Variants in CFAP410 observed in about 807,000 individuals in gnomAD.
The protein encoded by CFAP410 is cilia and flagella associated protein 410, also known as cilia- and flagella-associated protein 410.
In CFAP410, 27 loss-of-function variants were observed where a neutral mutation model predicts 25.7. That is an observed-to-expected ratio of 1.05 (90% CI 0.77 to 1.45). CFAP410 has a LOEUF of 1.45. Among genes scored for constraint, CFAP410 ranks in the 40% most tolerant of loss-of-function variants. The probability of loss-of-function intolerance (pLI) is 0.00; values close to 1 mark genes in which losing one functional copy is unlikely to be tolerated. For missense variants in CFAP410, 428 were observed against 354.1 expected (o/e 1.21, Z -1.67); for synonymous variants, 178 against 158.4 (o/e 1.12, Z -0.93).
intron 6 of CFAP410, 197 bp downstream of exon 6, chr21:44,330,626 G>A: frequency 1.3e-6 from 2 of 1,549,042 alleles, no homozygotes; most frequent in South Asian, 1.2e-5. Flanking sequence ...TCCGTGCGGG[G>A]CACGTGTTAC....
Position 44,339,294 on chromosome 21 carries a change from T to A in CFAP410, c.-100A>T. On this transcript the variant is annotated 5_prime_UTR_variant, in exon 1 of 7. Transcript: ENST00000339818. Reference sequence around the variant, plus strand: ...GTCTCCAGGGGCGGGGCCCGCGTCGTCAGGGGCGGATCCTGAGCCGATTGG... The same window carrying A: ...GTCTCCAGGGGCGGGGCCCGCGTCGACAGGGGCGGATCCTGAGCCGATTGG... The A allele has an allele frequency of 1.4e-6, 1 of 712,072 alleles. No individual in the cohort carries two copies. Among genetic ancestry groups the A allele is most frequent in the Non-Finnish European group, 2.1e-6 (1 of 482,074 alleles). The allele number at this position is 712,072 out of a possible 1,614,324, so 44.1% of individuals were successfully genotyped here.
Position 44,339,164 on chromosome 21 carries a change from G to A in CFAP410, c.31C>T (p.Arg11Trp), listed in dbSNP as rs1332986072. The A allele has an allele frequency of 2.7e-6, 4 of 1,471,802 alleles. No individual in the cohort carries two copies. The highest frequency in any genetic ancestry group is 3.6e-6 in the Non-Finnish European group (4 of 1,107,794). The allele number at this position is 1,471,802 out of a possible 1,614,324, so 91.2% of individuals were successfully genotyped here. The stretch of plus-strand genomic sequence containing the variant: ...CTGTGCAGCTCCGAGGCCTTGGCCC[G>A]GGTCAGAACCATCTTCCGCGTCAGC... Reference protein sequence around the residue: MKLTRKMVLTRAKASELHSVR... With the variant: MKLTRKMVLTWAKASELHSVR... Residue 11 changes from arginine (R) to tryptophan (W), a missense_variant, in exon 1 of 7, where the codon CGG becomes TGG. Physicochemically the swap from Arg to Trp is moderately radical, Grantham distance 101. Coordinates refer to ENST00000339818, the MANE Select transcript of CFAP410 (RefSeq NM_004928.3).
At position 44,339,208 on chromosome 21, in the gene CFAP410, GC is replaced by G; in HGVS notation, c.-15del. 1 of 1,434,550 alleles carries G rather than the reference GC, an allele frequency of 7.0e-7. No homozygotes were observed. Among genetic ancestry groups the G allele is most frequent in the Non-Finnish European group, 9.2e-7 (1 of 1,089,798 alleles). The allele number at this position is 1,434,550 out of a possible 1,614,324, so 88.9% of individuals were successfully genotyped here. ...CGTCAGCTTCATGGCGGCCGCCCAG[GC>G]CCGACCGGCGGGCGCCCCCGGCCTC... On this transcript the variant is annotated 5_prime_UTR_variant, in exon 1 of 7. Transcript: ENST00000339818.
At chr21:44,331,148 C>T (rs1250145006) in intron 5 of CFAP410, 7 of 580,670 alleles carry the variant, frequency 1.2e-5, no homozygotes, top group Non-Finnish European at 2.1e-5. Flanking sequence ...TCCCGGCACC[C>T]TGGGGCTCCC....
chr21:44,339,270 T>C lies in CFAP410; in HGVS notation c.-76A>G, dbSNP rs1045886730. 11 of 950,540 alleles carry C rather than the reference T, an allele frequency of 1.2e-5. No individual in the cohort carries two copies. The African/African-American group carries it at 1.2e-4, about 11-fold the overall frequency. The allele number at this position is 950,540 out of a possible 1,614,324, so 58.9% of individuals were successfully genotyped here. A position where few individuals can be genotyped will look rare whatever the true frequency, so the allele number is the denominator to read the frequency against. On this transcript the variant is annotated 5_prime_UTR_variant, in exon 1 of 7. Coordinates refer to ENST00000339818, the MANE Select transcript of CFAP410 (RefSeq NM_004928.3). ...GCGGGTGACGACTGCGCGGCGCGTG[T>C]CTCCAGGGGCGGGGCCCGCGTCGTC...
At position 44,333,151 on chromosome 21, in the gene CFAP410, C is replaced by T. The variant is rs1568987990; in HGVS notation, c.255G>A (p.Gly85=). The part of the protein sequence containing the change: ...PSLAELFYLK[G]LPRLRVLWLA... ...GCCACAGCACCCGCAGACGCGGCAG[C>T]CCCTTCAGGTAGAAGAGCTCAGCCA... Residue 85 remains glycine (G), a synonymous_variant, in exon 4 of 7, where the codon GGG becomes GGA. Coordinates refer to ENST00000339818, the MANE Select transcript of CFAP410 (RefSeq NM_004928.3). 2 of 1,612,348 alleles carry T rather than the reference C, an allele frequency of 1.2e-6. No individual in the cohort carries two copies. The highest frequency in any genetic ancestry group is 2.2e-5 in the East Asian group (1 of 44,870).
intron 2 of CFAP410, 135 bp from the exon 3 acceptor site, chr21:44,335,939 A>G: frequency 1.5e-6 from 1 of 683,972 alleles, no homozygotes; most frequent in Admixed American, 2.2e-5. Context: ...TTACTCAGCC[A>G]GTGTGCCCAG....
At position 44,339,077 on chromosome 21, in the gene CFAP410, T is replaced by G. The variant is rs944150653; in HGVS notation, c.77+41A>C. On this transcript the variant is annotated intron_variant, in intron 1 of 6. Transcript: ENST00000339818. Reference sequence around the variant, plus strand: ...TCCGCCCTCGCCCCGCCCCGGCTCCTCCCCCCACCCCGGGGCGGCCGCGGC... The same window carrying G: ...TCCGCCCTCGCCCCGCCCCGGCTCCGCCCCCCACCCCGGGGCGGCCGCGGC... The G allele has an allele frequency of 5.1e-5, 60 of 1,186,534 alleles. 4 individuals are homozygous for G. Among genetic ancestry groups the G allele is most frequent in the South Asian group, 1.8e-5 (1 of 54,362 alleles). The allele number at this position is 1,186,534 out of a possible 1,614,324, so 73.5% of individuals were successfully genotyped here. A position where few individuals can be genotyped will look rare whatever the true frequency, so the allele number is the denominator to read the frequency against.
intron 1 of CFAP410, chr21:44,338,124 CA>C (rs758164541): frequency 2.9e-4 from 129 of 449,666 alleles, no homozygotes; most frequent in Non-Finnish European, 4.3e-4. Flanking sequence ...CCACCCCATG[CA>C]AAACAAAGAA....
chr21:44,339,064 C>G (rs2047816822), intron 1 of CFAP410, 54 bp downstream of exon 1: 1 of 1,174,714 alleles, frequency 8.5e-7, no homozygotes, highest in South Asian at 1.9e-5. Flanking sequence ...CGCCCTCGCC[C>G]CGCCCCGGCT....
Position 44,330,126 on chromosome 21 carries a change from C to T in CFAP410, c.*72G>A, listed in dbSNP as rs888678813. ...CCGGGGCTGCGGCCATGGCAGCCAC[C>T]CTCCAGCTCCCGGGGGCTGGGGAAG... On this transcript the variant is annotated 3_prime_UTR_variant, in exon 7 of 7. Coordinates refer to ENST00000339818, the MANE Select transcript of CFAP410 (RefSeq NM_004928.3). 1.3e-6 allele frequency: 2 copies of T among 1,486,898 alleles called. No homozygotes were observed. The highest frequency in any genetic ancestry group is 2.5e-5 in the East Asian group (1 of 40,324). 92.1% of individuals were successfully genotyped at this position (1,486,898 alleles called of 1,614,324 possible).
In CFAP410 at chr21:44,329,965, C is replaced by T. The variant is rs577858726; in HGVS notation, c.*233G>A. ...TTTAAGAGCCCAGGCCAGCCTAGAA[C>T]CTCCAGACCACAGAAGGGGAGTCCT... On this transcript the variant is annotated 3_prime_UTR_variant, in exon 7 of 7. Coordinates refer to ENST00000339818, the MANE Select transcript of CFAP410 (RefSeq NM_004928.3). The T allele has an allele frequency of 6.0e-5, 32 of 531,112 alleles. No homozygotes were observed. Among genetic ancestry groups the T allele is most frequent in the African/African-American group, 5.5e-4 (28 of 51,118 alleles). 32.9% of individuals were successfully genotyped at this position (531,112 alleles called of 1,614,324 possible).
At chr21:44,334,372 G>T in intron 3 of CFAP410, 2 of 425,820 alleles carry the variant, frequency 4.7e-6, no homozygotes, top group South Asian at 3.3e-5. Context: ...CTGCCACCGT[G>T]GGAACCACAA....
chr21:44,333,437 T>C (rs1386070764), intron 3 of CFAP410, 175 bp from the exon 4 acceptor site: 4 of 614,114 alleles, frequency 6.5e-6, no homozygotes, highest in Non-Finnish European at 1.2e-5. Flanking sequence ...AGGAGAGAGC[T>C]GTAGGAAGGC....
At chr21:44,331,462 C>A (rs2047646742) in intron 5 of CFAP410, 1 of 288,674 alleles carries the variant, frequency 3.5e-6, no homozygotes, top group Non-Finnish European at 6.6e-6. Flanking sequence ...AGGCCCAAGG[C>A]CATACGGGCA....
Position 44,339,295 on chromosome 21 carries a change from C to A in CFAP410, c.-101G>T. The A allele has an allele frequency of 1.4e-6, 1 of 711,236 alleles. No individual in the cohort carries two copies. Among genetic ancestry groups the A allele is most frequent in the South Asian group, 3.0e-5 (1 of 32,946 alleles). 44.1% of individuals were successfully genotyped at this position (711,236 alleles called of 1,614,324 possible). On this transcript the variant is annotated 5_prime_UTR_variant, in exon 1 of 7. Transcript: ENST00000339818. ...TCTCCAGGGGCGGGGCCCGCGTCGT[C>A]AGGGGCGGATCCTGAGCCGATTGGC...
At position 44,337,582 on chromosome 21, in the gene CFAP410, C is replaced by T. The variant is rs936797981; in HGVS notation, c.96+67G>A. On this transcript the variant is annotated intron_variant, in intron 2 of 6. Transcript: ENST00000339818. ...AAAAATTCTCTTGGGAAAGAAGCTA[C>T]AACATTTGGGTTGAGGCTATTTGGA... is the stretch of plus-strand genomic sequence containing the variant. 1.8e-4 allele frequency: 259 copies of T among 1,432,598 alleles called. 2 individuals are homozygous for T. The highest frequency in any genetic ancestry group is 3.3e-5 in the Non-Finnish European group (34 of 1,032,588). The allele number at this position is 1,432,598 out of a possible 1,614,324, so 88.7% of individuals were successfully genotyped here. A position where few individuals can be genotyped will look rare whatever the true frequency, so the allele number is the denominator to read the frequency against.
chr21:44,329,934 C>T lies in CFAP410; in HGVS notation c.*264G>A, dbSNP rs1172929913. On this transcript the variant is annotated 3_prime_UTR_variant, in exon 7 of 7. Transcript: ENST00000339818. ...TATTAGGGAGGACAGCCTGCAAAAT[C>T]CTCCCTTTAAGAGCCCAGGCCAGCC... 2.3e-6 allele frequency: 1 copy of T among 439,738 alleles called. No homozygotes were observed. 27.2% of individuals were successfully genotyped at this position (439,738 alleles called of 1,614,324 possible). A position where few individuals can be genotyped will look rare whatever the true frequency, so the allele number is the denominator to read the frequency against.
Position 44,329,776 on chromosome 21 carries a change from C to G in CFAP410, c.*422G>C, listed in dbSNP as rs766675596. On this transcript the variant is annotated 3_prime_UTR_variant, in exon 7 of 7. Coordinates refer to ENST00000339818, the MANE Select transcript of CFAP410 (RefSeq NM_004928.3). Reference sequence around the variant, plus strand: ...GCCCAACAGAAATCTATCCAAGGACCAAGGGCTGGAATCGGCAAAGCCATC... The same window carrying G: ...GCCCAACAGAAATCTATCCAAGGACGAAGGGCTGGAATCGGCAAAGCCATC... 5 of 176,770 alleles carry G rather than the reference C, an allele frequency of 2.8e-5. No individual in the cohort carries two copies. Among genetic ancestry groups the G allele is most frequent in the Non-Finnish European group, 6.0e-5 (5 of 83,788 alleles). 11.0% of individuals were successfully genotyped at this position (176,770 alleles called of 1,614,324 possible). A position where few individuals can be genotyped will look rare whatever the true frequency, so the allele number is the denominator to read the frequency against.
Sources: allele counts gnomAD v4.1 joint callset, GRCh38; gene constraint gnomAD v4.1.1; transcripts MANE v1.5; gene names NCBI Gene and HGNC (gene_info 2026-07-23, HGNC 2026-07-21).